Variants in SIL1 observed in about 807,000 individuals in gnomAD.
The protein encoded by SIL1 is nucleotide exchange factor SIL1.
Under a neutral mutation model 49.1 loss-of-function variants are expected in SIL1, and 40 were observed. That is an observed-to-expected ratio of 0.81 (90% CI 0.63 to 1.06). The LOEUF is 1.06. Among genes scored for constraint, SIL1 ranks in the 50% least tolerant of loss-of-function variants. The pLI is 0.00. For synonymous variants in SIL1, 253 were observed against 250.8 expected (o/e 1.01, Z -0.08); for missense variants, 500 against 572.6 (o/e 0.87, Z 1.29).
At chr5:139,170,297 G>C (rs1004139756) in intron 1 of SIL1, among the ~76,000 whole-genome samples, 19 of 151,958 alleles carry the variant, frequency 1.3e-4, no homozygotes, top group African/African-American at 4.6e-4. Flanking sequence ...ACCCCGTCTG[G>C]GAAGTGAGGA....
chr5:139,017,436 C>T (rs1262994596), intron 7 of SIL1, among the ~76,000 whole-genome samples: 1 of 152,056 alleles, frequency 6.6e-6, no homozygotes, highest in Non-Finnish European at 1.5e-5. Flanking sequence ...AGGTTCAGTT[C>T]CATGACATCC....
chr5:138,977,017 C>A (rs947361235), intron 7 of SIL1, among the ~76,000 whole-genome samples: 7 of 152,174 alleles, frequency 4.6e-5, no homozygotes, highest in Non-Finnish European at 8.8e-5. Context: ...ATTCACACAG[C>A]ACCCTGTGTT....
chr5:138,992,331 C>T (rs959173978), intron 7 of SIL1, among the ~76,000 whole-genome samples: 2 of 152,220 alleles, frequency 1.3e-5, no homozygotes, highest in Non-Finnish European at 1.5e-5. Flanking sequence ...AGAACATGGG[C>T]TTTGACATCA....
At chr5:139,115,598 G>A (rs911622708) in intron 3 of SIL1, among the ~76,000 whole-genome samples, 1 of 152,146 alleles carries the variant, frequency 6.6e-6, no homozygotes, top group Non-Finnish European at 1.5e-5. Context: ...GAAACAACAG[G>A]ATTCAGAGAG....
chr5:138,952,898 G>T lies in SIL1; in HGVS notation c.768-1014C>A, dbSNP rs559984236. On this transcript the variant is annotated intron_variant, in intron 7 of 9. Transcript: ENST00000394817. ...CCTTGCTTTTCAAGATTGCATTAGGGATCAATTAAGGAGCAAGTGTCAAGC... is the reference window on the plus strand; with the variant it reads ...CCTTGCTTTTCAAGATTGCATTAGGTATCAATTAAGGAGCAAGTGTCAAGC... 3.3e-5 allele frequency among the ~76,000 whole-genome samples: 5 copies of T among 152,370 alleles called. No individual in the cohort carries two copies. In the East Asian group the frequency reaches 9.6e-4, roughly 29 times the overall value.
intron 1 of SIL1, among the ~76,000 whole-genome samples, chr5:139,190,666 C>T (rs890775086): frequency 6.6e-6 from 1 of 152,052 alleles, no homozygotes; most frequent in Non-Finnish European, 1.5e-5. Context: ...CAGTTTTTGT[C>T]GTCAGAAAAA....
chr5:139,128,050 G>A, intron 1 of SIL1, 197 bp from the exon 2 acceptor site: 1 of 609,154 alleles, frequency 1.6e-6, no homozygotes, highest in South Asian at 1.5e-5. Context: ...CAAGAGATAT[G>A]CCCTGGGTAG....
intron 5 of SIL1, among the ~76,000 whole-genome samples, chr5:139,036,925 ATTG>A (rs1768927625): frequency 6.6e-6 from 1 of 152,132 alleles, no homozygotes; most frequent in Non-Finnish European, 1.5e-5. Flanking sequence ...TATTCATTAC[ATTG>A]TTCTTTCTTT....
At chr5:139,010,358 A>G (rs1327880454) in intron 7 of SIL1, among the ~76,000 whole-genome samples, 18 of 149,594 alleles carry the variant, frequency 1.2e-4, no homozygotes, top group Non-Finnish European at 2.5e-4. Context: ...CTAGTTATAC[A>G]TTCTTCTAAT....
chr5:139,142,209 G>A (rs1049445843), intron 1 of SIL1, among the ~76,000 whole-genome samples: 1 of 152,204 alleles, frequency 6.6e-6, no homozygotes, highest in Non-Finnish European at 1.5e-5. Flanking sequence ...CAAGGTGCCT[G>A]TTAAGAAGGG....
At position 139,078,695 on chromosome 5, in the gene SIL1, G is replaced by C. The variant is rs141305656; in HGVS notation, c.245-27649C>G. Among the ~76,000 whole-genome samples, 392 of 152,366 alleles carry C rather than the reference G, an allele frequency of 2.6e-3. 3 individuals are homozygous for C. Among genetic ancestry groups the C allele is most frequent in the African/African-American group, 8.2e-3 (343 of 41,588 alleles). On this transcript the variant is annotated intron_variant, in intron 3 of 9. Transcript: ENST00000394817. ...CACATCAAATGCCAGGCACGAGGCA[G>C]AGACCTGGCATTATTGCCAGTGGCT...
At chr5:139,074,693 G>A (rs1769906293) in intron 3 of SIL1, among the ~76,000 whole-genome samples, 2 of 152,206 alleles carry the variant, frequency 1.3e-5, no homozygotes, top group South Asian at 4.1e-4. Flanking sequence ...TACTTCAGGA[G>A]GATTTGCTCC....
chr5:139,003,437 T>C (rs989689659), intron 7 of SIL1, among the ~76,000 whole-genome samples: 4 of 152,214 alleles, frequency 2.6e-5, no homozygotes, highest in Non-Finnish European at 4.4e-5. Flanking sequence ...AGACGTCTTA[T>C]GTGAGATAAC....
intron 3 of SIL1, among the ~76,000 whole-genome samples, chr5:139,071,191 G>C (rs1443156520): frequency 3.3e-5 from 1 of 30,318 alleles, no homozygotes; most frequent in Non-Finnish European, 7.8e-5. Flanking sequence ...CAATTTATAA[G>C]AAGAAGAAGA....
intron 7 of SIL1, among the ~76,000 whole-genome samples, chr5:138,957,128 C>T (rs1023693982): frequency 6.6e-6 from 1 of 152,108 alleles, no homozygotes; most frequent in Non-Finnish European, 1.5e-5. Context: ...ATCATCTGCC[C>T]ACCTCTGAGG....
chr5:139,029,423 C>T (rs994204004), intron 5 of SIL1, among the ~76,000 whole-genome samples: 3 of 152,138 alleles, frequency 2.0e-5, no homozygotes, highest in Admixed American at 2.0e-4. Context: ...ATTGAAAGTA[C>T]GAAGGGTGAA....
At position 138,947,709 on chromosome 5, in the gene SIL1, C is replaced by G. The variant is rs1766668105; in HGVS notation, c.1030-236G>C. Among the ~76,000 whole-genome samples the G allele has an allele frequency of 6.6e-6, 1 of 152,214 alleles. No homozygotes were observed. The highest frequency in any genetic ancestry group is 2.4e-5 in the African/African-American group (1 of 41,448). On this transcript the variant is annotated intron_variant, in intron 9 of 9. Transcript: ENST00000394817. The surrounding 1 kb of genome is among the most constrained non-coding windows in gnomAD (Gnocchi z 4.1). ...GAAGAAACCACGATGGAGACATAGT[C>G]TTACCCTCAAGGAGCTTAAGGTCTA...
intron 3 of SIL1, among the ~76,000 whole-genome samples, chr5:139,077,535 C>T (rs747677660): frequency 9.2e-5 from 14 of 152,178 alleles, no homozygotes; most frequent in Admixed American, 3.9e-4. Flanking sequence ...TTAATTCTCT[C>T]AGGAACTGAC....
chr5:139,030,290 T>C (rs556123611), intron 5 of SIL1, among the ~76,000 whole-genome samples: 1 of 151,582 alleles, frequency 6.6e-6, no homozygotes, highest in South Asian at 2.1e-4. Context: ...CTAGAGAAGG[T>C]GAAATTAGAG....
Sources: gnomAD v4.1 joint callset for allele counts (sites outside exome capture counted in the v4.1 genomes callset) on GRCh38, gnomAD v4.1.1 for gene constraint, Gnocchi (gnomAD v3.1) non-coding constraint, MANE v1.5 for transcripts, NCBI Gene and HGNC (gene_info 2026-07-23, HGNC 2026-07-21) for gene names.